GLIS1: variants seen among roughly 807,000 people sequenced by gnomAD.
The protein encoded by GLIS1 is GLIS family zinc finger 1.
GLIS1 carries 24 observed loss-of-function variants against 63.8 expected under a neutral mutation model. The ratio of observed to expected loss-of-function variants is 0.38; its 90% CI spans 0.27 to 0.53. The LOEUF (loss-of-function observed/expected upper bound fraction) is 0.53. GLIS1 is among the 20% of genes least tolerant of loss of function. GLIS1 has a pLI of 0.85. For synonymous variants in GLIS1, 450 were observed against 482.5 expected (o/e 0.93, Z 0.88); for missense variants, 1,036 against 1,074.1 (o/e 0.96, Z 0.50).
At chr1:53,571,391 T>C (rs1644982417) in intron 4 of GLIS1, among the ~76,000 whole-genome samples, 1 of 152,186 alleles carries the variant, frequency 6.6e-6, no homozygotes, top group African/African-American at 2.4e-5. Flanking sequence ...CTAGTGAAAA[T>C]GTTCCATAGG....
intron 2 of GLIS1, among the ~76,000 whole-genome samples, chr1:53,675,817 G>A (rs938801016): frequency 2.0e-5 from 3 of 152,128 alleles, no homozygotes; most frequent in Middle Eastern, 3.4e-3. Flanking sequence ...CAATTGGAGC[G>A]CTCATTGTCC....
Position 53,539,865 on chromosome 1 carries a change from T to C in GLIS1, c.1321-9913A>G, listed in dbSNP as rs4927006. Among the ~76,000 whole-genome samples the C allele has an allele frequency of 6.6e-6, 1 of 151,550 alleles. No individual in the cohort carries two copies. Among genetic ancestry groups the C allele is most frequent in the South Asian group, 2.1e-4 (1 of 4,790 alleles). On this transcript the variant is annotated intron_variant, in intron 4 of 10. Coordinates refer to ENST00000628545, the MANE Select transcript of GLIS1 (RefSeq NM_001367484.1). The surrounding 1 kb of genome is among the most constrained non-coding windows in gnomAD (Gnocchi z 5.0). ...GCCTGGCCTGGCCTTGGGGACAGCA[T>C]GCATAGCCTGAGAGATCTCCACTGA...
chr1:53,569,086 T>A (rs1569843585), intron 4 of GLIS1, among the ~76,000 whole-genome samples: 1 of 152,200 alleles, frequency 6.6e-6, no homozygotes, highest in East Asian at 1.9e-4. Flanking sequence ...ATTCCAACCA[T>A]ATGACACTCT....
In GLIS1 at chr1:53,600,205, A is replaced by G; in HGVS notation, c.333T>C (p.Pro111=). The change falls in exon 3 of 11, where the codon CCT becomes CCC. Residue 111 remains proline (P), a synonymous_variant. Coordinates refer to ENST00000628545, the MANE Select transcript of GLIS1 (RefSeq NM_001367484.1). ...SLLDLDLAEG[P]GPTCCQGLFL... The stretch of plus-strand genomic sequence containing the variant: ...ACAGGCCCTGGCAGCAGGTGGGGCC[A>G]GGGCCCTCAGCAAGGTCCAGGTCCA... The G allele has an allele frequency of 8.1e-7, 1 of 1,232,016 alleles. No individual in the cohort carries two copies. Among genetic ancestry groups the G allele is most frequent in the Non-Finnish European group, 1.0e-6 (1 of 987,836 alleles). 76.3% of individuals were successfully genotyped at this position (1,232,016 alleles called of 1,614,324 possible). A position where few individuals can be genotyped will look rare whatever the true frequency, so the allele number is the denominator to read the frequency against.
chr1:53,569,202 G>T (rs1362174598), intron 4 of GLIS1, among the ~76,000 whole-genome samples: 1 of 152,186 alleles, frequency 6.6e-6, no homozygotes. Context: ...AAACTATTGT[G>T]TGTGGTCCTA....
At chr1:53,597,625 G>A (rs1439036545) in intron 3 of GLIS1, among the ~76,000 whole-genome samples, 1 of 152,140 alleles carries the variant, frequency 6.6e-6, no homozygotes, top group Non-Finnish European at 1.5e-5. Flanking sequence ...CAGGCGCCGA[G>A]AGTGGAGAGA....
At chr1:53,608,383 G>A (rs1235738565) in intron 2 of GLIS1, among the ~76,000 whole-genome samples, 1 of 152,154 alleles carries the variant, frequency 6.6e-6, no homozygotes, top group Non-Finnish European at 1.5e-5. Context: ...TGGGTGTTAG[G>A]GTTTCAACAT....
chr1:53,732,802 TA>T (rs10717170), intron 2 of GLIS1, among the ~76,000 whole-genome samples: 117,176 of 148,960 alleles, frequency 0.79, 46,869 homozygotes, highest in Non-Finnish European at 0.88. Flanking sequence ...AAATCTATAT[TA>T]AAAAAAAAAA....
intron 2 of GLIS1, among the ~76,000 whole-genome samples, chr1:53,707,370 G>A (rs890821582): frequency 3.3e-5 from 5 of 152,136 alleles, no homozygotes; most frequent in South Asian, 2.1e-4. Flanking sequence ...AATCAAAACC[G>A]GCCGAGCACA....
intron 2 of GLIS1, among the ~76,000 whole-genome samples, chr1:53,628,641 G>A (rs1357673392): frequency 2.6e-5 from 4 of 152,202 alleles, no homozygotes; most frequent in East Asian, 3.9e-4. Flanking sequence ...AAGATCAAGC[G>A]GGATGTGCAC....
At chr1:53,680,411 A>G (rs925279886) in intron 2 of GLIS1, among the ~76,000 whole-genome samples, 12 of 152,288 alleles carry the variant, frequency 7.9e-5, no homozygotes, top group African/African-American at 2.6e-4. Context: ...TGGCACCAGT[A>G]CTGGGGTGGA....
chr1:53,534,244 C>T (rs1304785897), intron 4 of GLIS1, among the ~76,000 whole-genome samples: 2 of 152,016 alleles, frequency 1.3e-5, no homozygotes, highest in Non-Finnish European at 2.9e-5. Flanking sequence ...CTGGCTTCGA[C>T]CTTGGTTTCT....
At chr1:53,545,803 T>G (rs1181434841) in intron 4 of GLIS1, among the ~76,000 whole-genome samples, 5 of 152,256 alleles carry the variant, frequency 3.3e-5, no homozygotes, top group Non-Finnish European at 2.9e-5. Context: ...AATTCTAGAC[T>G]TCTTGCCTAG....
intron 4 of GLIS1, among the ~76,000 whole-genome samples, chr1:53,567,383 G>A (rs1046376848): frequency 3.3e-5 from 5 of 152,274 alleles, no homozygotes; most frequent in Admixed American, 6.5e-5. Flanking sequence ...ACAAAGAGAT[G>A]GTCTAAAATT....
intron 2 of GLIS1, among the ~76,000 whole-genome samples, chr1:53,711,172 T>C (rs957678669): frequency 2.6e-5 from 4 of 152,104 alleles, no homozygotes; most frequent in African/African-American, 7.2e-5. Flanking sequence ...ACCCTCTACT[T>C]GAACTGCCCT....
At chr1:53,617,816 G>A (rs566997833) in intron 2 of GLIS1, among the ~76,000 whole-genome samples, 1 of 152,334 alleles carries the variant, frequency 6.6e-6, no homozygotes, top group South Asian at 2.1e-4. Flanking sequence ...AAAAGGAAGC[G>A]CTGCTGAGAA....
chr1:53,644,796 G>T (rs1296131160), intron 2 of GLIS1, among the ~76,000 whole-genome samples: 7 of 152,194 alleles, frequency 4.6e-5, no homozygotes, highest in African/African-American at 1.7e-4. Context: ...ATCCAGAATT[G>T]CATCCTGAGT....
At chr1:53,632,374 TGTGTGA>T (rs1277302555) in intron 2 of GLIS1, among the ~76,000 whole-genome samples, 1 of 143,862 alleles carries the variant, frequency 7.0e-6, no homozygotes, top group African/African-American at 2.7e-5. Flanking sequence ...GACTGAGGGG[TGTGTGA>T]GTGTGACTGA....
chr1:53,703,006 G>T (rs113743788), intron 2 of GLIS1, among the ~76,000 whole-genome samples: 438 of 152,302 alleles, frequency 2.9e-3, no homozygotes, highest in Non-Finnish European at 4.6e-3. Context: ...TTCAAAGTCG[G>T]CCAGACCCAG....
Sources: gnomAD v4.1 joint callset for allele counts (sites outside exome capture counted in the v4.1 genomes callset) on GRCh38, gnomAD v4.1.1 for gene constraint, Gnocchi (gnomAD v3.1) non-coding constraint, MANE v1.5 for transcripts, NCBI Gene and HGNC (gene_info 2026-07-23, HGNC 2026-07-21) for gene names.